PSME3IP1: variants seen among roughly 807,000 people sequenced by gnomAD.
PSME3IP1 encodes proteasome activator subunit 3 interacting protein 1.
A neutral mutation model predicts 34.1 loss-of-function variants in PSME3IP1; 13 were observed. That is an observed-to-expected ratio of 0.38 (90% CI 0.25 to 0.61). The LOEUF is 0.61. Among genes scored for constraint, PSME3IP1 ranks in the 20% least tolerant of loss-of-function variants. The pLI is 0.60. For synonymous variants in PSME3IP1, 93 were observed against 114.3 expected, an observed-to-expected ratio of 0.81 and a Z score of 1.19; for missense variants, 237 against 301.4, an observed-to-expected ratio of 0.79 and a Z score of 1.58.
chr16:57,154,456 A>G lies in PSME3IP1; in HGVS notation c.599T>C (p.Ile200Thr), dbSNP rs769256035. Residue 200 changes from isoleucine to threonine, a missense_variant, in exon 7 of 7, where the codon ATC (isoleucine) becomes ACC (threonine). Coordinates refer to ENST00000309137, the MANE Select transcript of PSME3IP1 (RefSeq NM_024946.4). The surrounding 1 kb of genome is among the most constrained non-coding windows in gnomAD (Gnocchi z 4.0). ...LGNTSLSGPS[I>T]HCPSAAVCIG... ...ACATACTGCAGCAGAGGGGCAGTGG[A>G]TGGAGGGGCCACTCAGGGAGGTGTT... 1 of 1,613,692 alleles carries G rather than the reference A, an allele frequency of 6.2e-7. No homozygotes were observed. Among genetic ancestry groups the G allele is most frequent in the African/African-American group, 1.3e-5 (1 of 74,886 alleles).
intron 6 of PSME3IP1, among the ~76,000 whole-genome samples, chr16:57,155,425 C>A (rs1284399946): frequency 6.6e-6 from 1 of 152,052 alleles, no homozygotes; most frequent in Non-Finnish European, 1.5e-5. Context: ...GAGTTTAAGA[C>A]CAGCCTGGGA....
At chr16:57,178,923 T>G (rs368767737) in intron 1 of PSME3IP1, 1 of 424,818 alleles carries the variant, frequency 2.4e-6, no homozygotes, top group African/African-American at 2.1e-5. Flanking sequence ...GCTAGAAAAT[T>G]AGATTGTGTT....
Position 57,172,371 on chromosome 16 carries a change from T to C in PSME3IP1, c.228A>G (p.Lys76=). The C allele has an allele frequency of 6.2e-7, 1 of 1,613,622 alleles. No individual in the cohort carries two copies. The highest frequency in any genetic ancestry group is 8.5e-7 in the Non-Finnish European group (1 of 1,179,880). The change falls in exon 4 of 7, where the codon AAA becomes AAG. Residue 76 remains lysine (K), a splice_region_variant and synonymous_variant. Coordinates refer to ENST00000309137, the MANE Select transcript of PSME3IP1 (RefSeq NM_024946.4). The stretch of plus-strand genomic sequence containing the variant: ...CTTCATCTAAGCCTCTTACCATGTT[T>C]TCTGAGGAAATAATTAAACAAGGCA... ...QQEYEEQFKF[K]NMVRGLDEDE...
At chr16:57,178,906 C>T in intron 1 of PSME3IP1, 1 of 556,592 alleles carries the variant, frequency 1.8e-6, no homozygotes, top group Non-Finnish European at 2.3e-6. Context: ...TGGAAGTAGA[C>T]AAAGAAGCTA....
chr16:57,169,360 T>C (rs980366253), intron 4 of PSME3IP1, among the ~76,000 whole-genome samples: 1 of 152,236 alleles, frequency 6.6e-6, no homozygotes, highest in African/African-American at 2.4e-5. Flanking sequence ...ACATATCATA[T>C]AGTAATCAAG....
chr16:57,174,062 G>A (rs1228504100), intron 1 of PSME3IP1, 193 bp from the exon 2 acceptor site: 6 of 512,376 alleles, frequency 1.2e-5, no homozygotes, highest in Admixed American at 6.6e-5. Context: ...TTGGGAGGCC[G>A]AGGCGCATGG....
At chr16:57,158,890 T>C (rs1348356352) in intron 6 of PSME3IP1, among the ~76,000 whole-genome samples, 1 of 152,208 alleles carries the variant, frequency 6.6e-6, no homozygotes, top group East Asian at 1.9e-4. Flanking sequence ...ATGAATACTG[T>C]AGGCAGCTGT....
intron 4 of PSME3IP1, among the ~76,000 whole-genome samples, chr16:57,169,661 G>C (rs904918453): frequency 6.6e-6 from 1 of 152,088 alleles, no homozygotes; most frequent in Non-Finnish European, 1.5e-5. Flanking sequence ...AAACCAAAGG[G>C]CATCTCACAC....
In PSME3IP1 at chr16:57,154,454, G is replaced by A. The variant is rs2070277664; in HGVS notation, c.601C>T (p.His201Tyr). The change falls in exon 7 of 7, where the codon CAC becomes TAC. Residue 201 changes from histidine to tyrosine, a missense_variant. Physicochemically the swap from His to Tyr is moderately conservative, Grantham distance 83. Coordinates refer to ENST00000309137, the MANE Select transcript of PSME3IP1 (RefSeq NM_024946.4). This position sits in a 1 kb window ranked among gnomAD's most constrained non-coding sequence, Gnocchi z 4.0. ...ATACATACTGCAGCAGAGGGGCAGT[G>A]GATGGAGGGGCCACTCAGGGAGGTG... ...GNTSLSGPSI[H>Y]CPSAAVCIGI... The A allele has an allele frequency of 6.2e-7, 1 of 1,613,804 alleles. No individual in the cohort carries two copies.
intron 1 of PSME3IP1, 165 bp downstream of exon 1, chr16:57,185,656 G>A (rs2074112730): frequency 1.0e-6 from 1 of 985,564 alleles, no homozygotes; most frequent in Non-Finnish European, 1.2e-6. Context: ...GCTCCCCTCA[G>A]GCTGGGCCCG....
intron 1 of PSME3IP1, chr16:57,174,670 C>CT: frequency 1.0e-6 from 1 of 985,440 alleles, no homozygotes; most frequent in Non-Finnish European, 1.2e-6. Flanking sequence ...CTATTGAAGA[C>CT]TTAGTGTTCA....
intron 4 of PSME3IP1, among the ~76,000 whole-genome samples, chr16:57,167,908 A>C (rs2072085318): frequency 6.6e-6 from 1 of 152,342 alleles, no homozygotes; most frequent in South Asian, 2.1e-4. Context: ...CTGAAAAGCT[A>C]TTTTTAAAAG....
intron 1 of PSME3IP1, among the ~76,000 whole-genome samples, chr16:57,182,131 C>T (rs1250867008): frequency 6.6e-6 from 1 of 152,186 alleles, no homozygotes; most frequent in Non-Finnish European, 1.5e-5. Flanking sequence ...CATCAGTCAG[C>T]TCCTTAGCAT....
intron 1 of PSME3IP1, among the ~76,000 whole-genome samples, chr16:57,185,274 GACC>G (rs1354565828): frequency 5.9e-5 from 9 of 152,122 alleles, no homozygotes; most frequent in Admixed American, 2.0e-4. Flanking sequence ...CAGTCACAAG[GACC>G]ACCAACTCTC....
At chr16:57,163,948 C>CTG (rs765973389) in intron 6 of PSME3IP1, 53 bp downstream of exon 6, 3 of 1,523,364 alleles carry the variant, frequency 2.0e-6, no homozygotes, top group Non-Finnish European at 2.7e-6. Context: ...CAGCCCTTTA[C>CTG]TGTGGTTCAT....
Position 57,167,245 on chromosome 16 carries a change from G to A in PSME3IP1, c.349-19C>T. ...GGTTATTGTGAGTTACCAGTTAAGG[G>A]TCAAACTAAGCAAAAGGGAAGACAA... On this transcript the variant is annotated intron_variant, in intron 4 of 6. Transcript: ENST00000309137. 6.2e-7 allele frequency: 1 copy of A among 1,614,104 alleles called. No individual in the cohort carries two copies. Among genetic ancestry groups the A allele is most frequent in the Non-Finnish European group, 8.5e-7 (1 of 1,179,954 alleles).
At chr16:57,172,949 G>T in intron 2 of PSME3IP1, 75 bp from the exon 3 acceptor site, 1 of 1,006,348 alleles carries the variant, frequency 9.9e-7, no homozygotes, top group South Asian at 1.3e-5. Context: ...ATATTATTTT[G>T]GAATCACAAA....
intron 6 of PSME3IP1, among the ~76,000 whole-genome samples, chr16:57,159,013 G>A (rs764895188): frequency 5.9e-5 from 9 of 152,188 alleles, no homozygotes; most frequent in Non-Finnish European, 1.0e-4. Flanking sequence ...ACCCATCATT[G>A]ACCAAAATGG....
intron 1 of PSME3IP1, chr16:57,174,293 C>CAAA (rs112755174): frequency 1.7e-3 from 444 of 268,980 alleles, no homozygotes; most frequent in South Asian, 6.2e-3. Context: ...GATTCTGTCT[C>CAAA]AAAAAAAAAA....
Sources: allele counts gnomAD v4.1 joint callset (sites outside exome capture counted in the v4.1 genomes callset), GRCh38; gene constraint gnomAD v4.1.1; non-coding constraint Gnocchi (gnomAD v3.1); transcripts MANE v1.5; gene names NCBI Gene and HGNC (gene_info 2026-07-23, HGNC 2026-07-21).